HNRNPM: variants seen among roughly 807,000 people sequenced by gnomAD.
HNRNPM encodes heterogeneous nuclear ribonucleoprotein M.
In HNRNPM, 11 loss-of-function variants were observed where a neutral mutation model predicts 73.1. That is an observed-to-expected ratio of 0.15 (90% confidence interval 0.09 to 0.25). HNRNPM has a LOEUF of 0.25. Among genes scored for constraint, HNRNPM ranks in the 10% least tolerant of loss-of-function variants. HNRNPM has a pLI of 1.00. For synonymous variants in HNRNPM, 407 were observed against 355.2 expected (o/e 1.15, Z -1.64); for missense variants, 789 against 1,067.9 (o/e 0.74, Z 3.64).
At chr19:8,472,322 G>A (rs1970205705) in intron 10 of HNRNPM, among the ~76,000 whole-genome samples, 1 of 151,816 alleles carries the variant, frequency 6.6e-6, no homozygotes, top group African/African-American at 2.4e-5. Flanking sequence ...TTTGGTCTTT[G>A]TTGGAATCCT....
Position 8,486,157 on chromosome 19 carries a change from G to C in HNRNPM, c.1729G>C (p.Glu577Gln). 2 of 1,605,842 alleles carry C rather than the reference G, an allele frequency of 1.2e-6. No homozygotes were observed. The highest frequency in any genetic ancestry group is 1.7e-6 in the Non-Finnish European group (2 of 1,179,270). Residue 577 changes from glutamate to glutamine, a missense_variant, in exon 14 of 16, where the codon GAG (glutamate) becomes CAG (glutamine). Coordinates refer to ENST00000325495, the MANE Select transcript of HNRNPM (RefSeq NM_005968.5). ...GLERMGANSL[E>Q]RMGLERMGAN... ...GGAGCGCATGGGCGCCAACAGCCTC[G>C]AGCGCATGGGCCTGGAGCGCATGGG...
intron 1 of HNRNPM, 66 bp from the exon 2 acceptor site, chr19:8,455,336 AAAT>A: frequency 7.4e-7 from 1 of 1,352,056 alleles, no homozygotes; most frequent in Non-Finnish European, 1.0e-6. Flanking sequence ...CTGGCAAATC[AAAT>A]AATTATCTTT....
chr19:8,458,149 G>A (rs1406696968), intron 2 of HNRNPM, among the ~76,000 whole-genome samples: 1 of 152,146 alleles, frequency 6.6e-6, no homozygotes. Context: ...GGGGGAGATT[G>A]TCTCACATGC....
intron 11 of HNRNPM, among the ~76,000 whole-genome samples, 193 bp from the exon 12 acceptor site, chr19:8,473,974 T>C (rs1970333557): frequency 6.6e-6 from 1 of 152,006 alleles, no homozygotes; most frequent in African/African-American, 2.4e-5. Context: ...GGGGGTTGGA[T>C]CAGACCAGCT....
chr19:8,445,250 T>G, intron 1 of HNRNPM, 139 bp downstream of exon 1: 1 of 745,754 alleles, frequency 1.3e-6, no homozygotes, highest in Non-Finnish European at 1.9e-6. Context: ...CTGCTCAGGG[T>G]AGCGGCGTCT....
In HNRNPM at chr19:8,472,998, G is replaced by A. The variant is rs145632965; in HGVS notation, c.998-666G>A. The stretch of plus-strand genomic sequence containing the variant: ...CATGTTTAATACTGCCTAACTTGAG[G>A]CCTGGTGTGGTGGCTTATGCCTGTA... On this transcript the variant is annotated intron_variant, in intron 10 of 15. Transcript: ENST00000325495. 4.3e-3 allele frequency among the ~76,000 whole-genome samples: 652 copies of A among 152,290 alleles called. 4 individuals carry two copies. The highest frequency in any genetic ancestry group is 6.8e-3 in the Middle Eastern group (2 of 294).
At chr19:8,457,424 A>G (rs1005792201) in intron 2 of HNRNPM, among the ~76,000 whole-genome samples, 1 of 152,200 alleles carries the variant, frequency 6.6e-6, no homozygotes, top group Admixed American at 6.5e-5. Context: ...GCATACTGCT[A>G]CGAATGCCTG....
chr19:8,446,000 T>G (rs1345513315), intron 1 of HNRNPM, among the ~76,000 whole-genome samples: 1 of 152,198 alleles, frequency 6.6e-6, no homozygotes, highest in Non-Finnish European at 1.5e-5. Flanking sequence ...GGAGGAAGCA[T>G]CGACTTGTGC....
intron 1 of HNRNPM, among the ~76,000 whole-genome samples, chr19:8,452,378 C>CATG (rs749770117): frequency 1.2e-4 from 18 of 152,268 alleles, no homozygotes; most frequent in Admixed American, 2.0e-4. Context: ...TCTGGTGGAC[C>CATG]ATGATGTGTA....
chr19:8,453,394 G>A (rs1468496829), intron 1 of HNRNPM, among the ~76,000 whole-genome samples: 1 of 151,158 alleles, frequency 6.6e-6, no homozygotes, highest in African/African-American at 2.4e-5. Context: ...ACCTGCCTGA[G>A]CCTCCCAAAG....
rs1969939354 is a variant in HNRNPM at position 8,468,821 on chromosome 19, A to G, written c.882A>G (p.Pro294=). The G allele has an allele frequency of 3.7e-6, 6 of 1,613,334 alleles. No individual in the cohort carries two copies. Among genetic ancestry groups the G allele is most frequent in the Non-Finnish European group, 5.1e-6 (6 of 1,179,244 alleles). ...GAGATTTCTTCCCTCCTGAGCGTCC[A>G]CAACAACTTCCCCGTAAGTGTTTCA... ...PKGDFFPPER[P]QQLPHGLGGI... is the part of the protein sequence containing the mutation. Residue 294 remains proline, a synonymous_variant, in exon 9 of 16, where the codon CCA becomes CCG. Coordinates refer to ENST00000325495, the MANE Select transcript of HNRNPM (RefSeq NM_005968.5).
At position 8,486,228 on chromosome 19, in the gene HNRNPM, G is replaced by T. The variant is rs12977861; in HGVS notation, c.1800G>T (p.Leu600=). Residue 600 remains leucine (L), a synonymous_variant, in exon 14 of 16, where the codon CTG becomes CTT. Coordinates refer to ENST00000325495, the MANE Select transcript of HNRNPM (RefSeq NM_005968.5). ...TGGGCCCTGCCATGGGCCCGGCCCT[G>T]GGCGCTGGCATTGAGCGCATGGGCC... is the stretch of plus-strand genomic sequence containing the variant. The part of the protein sequence containing the change: ...ERMGPAMGPA[L]GAGIERMGLA... The T allele has an allele frequency of 0.062, 98,544 of 1,592,920 alleles. 3,370 individuals carry two copies. The highest frequency in any genetic ancestry group is 0.07 in the South Asian group (6,318 of 90,086).
chr19:8,487,838 C>T (rs1971421617), intron 15 of HNRNPM: 1 of 152,422 alleles, frequency 6.6e-6, no homozygotes, highest in Non-Finnish European at 1.5e-5. Flanking sequence ...TTCCCCACTC[C>T]TGAGTTCCCA....
At chr19:8,459,984 A>G (rs932384048) in intron 2 of HNRNPM, among the ~76,000 whole-genome samples, 3 of 152,184 alleles carry the variant, frequency 2.0e-5, no homozygotes, top group South Asian at 2.1e-4. Context: ...TTGGGATTCC[A>G]TGAATTCCAT....
intron 2 of HNRNPM, among the ~76,000 whole-genome samples, chr19:8,458,841 G>T (rs1054568372): frequency 6.6e-6 from 1 of 152,194 alleles, no homozygotes; most frequent in Non-Finnish European, 1.5e-5. Context: ...TGCATTGTGG[G>T]TCTATTAGGC....
At position 8,486,111 on chromosome 19, in the gene HNRNPM, C is replaced by A; in HGVS notation, c.1683C>A (p.Asn561Lys). The A allele has an allele frequency of 6.2e-7, 1 of 1,606,522 alleles. No individual in the cohort carries two copies. Among genetic ancestry groups the A allele is most frequent in the African/African-American group, 1.3e-5 (1 of 74,782 alleles). ...CCGGCCTGGAGCGCATGGGCGCCAA[C>A]AATCTGGAGCGGATGGGCCTGGAGC... ...MATGLERMGANNLERMGLERM... is the reference protein window; with the variant it reads ...MATGLERMGAKNLERMGLERM... Residue 561 changes from asparagine (N) to lysine (K), a missense_variant, in exon 14 of 16, where the codon AAC becomes AAA. By Grantham distance (94) the Asn-to-Lys change is moderately conservative. Transcript: ENST00000325495.
chr19:8,475,296 G>A (rs549510118), intron 12 of HNRNPM, among the ~76,000 whole-genome samples: 3 of 152,334 alleles, frequency 2.0e-5, no homozygotes, highest in South Asian at 2.1e-4. Flanking sequence ...CAGCAGGGCT[G>A]TAGAGTGTGC....
At chr19:8,470,794 C>T (rs1157732042) in intron 9 of HNRNPM, among the ~76,000 whole-genome samples, 2 of 152,078 alleles carry the variant, frequency 1.3e-5, no homozygotes, top group Admixed American at 6.5e-5. Flanking sequence ...GCTGGGTATC[C>T]AGTTGTGGGT....
chr19:8,477,327 G>A lies in HNRNPM; in HGVS notation c.1120+3083G>A, dbSNP rs529114078. Among the ~76,000 whole-genome samples, 7 of 152,242 alleles carry A rather than the reference G, an allele frequency of 4.6e-5. No homozygotes were observed. The South Asian group carries it at 1.2e-3, about 27-fold the overall frequency. On this transcript the variant is annotated intron_variant, in intron 12 of 15. Transcript: ENST00000325495. ...TTATCAAGCAAGTGACCACTGTGGT[G>A]GGCCTTTCCCGGCAGAAGCTAGGAC...
Sources: allele counts gnomAD v4.1 joint callset (sites outside exome capture counted in the v4.1 genomes callset), GRCh38; gene constraint gnomAD v4.1.1; transcripts MANE v1.5; gene names NCBI Gene and HGNC (gene_info 2026-07-23, HGNC 2026-07-21).